Variants in ADGRL2 observed in about 807,000 individuals in gnomAD.
The protein encoded by ADGRL2 is adhesion G protein-coupled receptor L2.
ADGRL2 carries 44 observed loss-of-function variants against 157.4 expected under a neutral mutation model. The ratio of observed to expected loss-of-function variants is 0.28; its 90% CI spans 0.22 to 0.36. The LOEUF is 0.36. ADGRL2 is among the 10% of genes least tolerant of loss of function. The probability of loss-of-function intolerance (pLI) is 1.00; values close to 1 mark genes in which losing one functional copy is unlikely to be tolerated. For synonymous variants in ADGRL2, 585 were observed against 624.7 expected, an observed-to-expected ratio of 0.94 and a Z score of 0.95; for missense variants, 1,510 against 1,768.9, an observed-to-expected ratio of 0.85 and a Z score of 2.63.
chr1:81,600,201 A>G (rs142302213), intron 3 of ADGRL2, among the ~76,000 whole-genome samples: 418 of 152,354 alleles, frequency 2.7e-3, no homozygotes, highest in African/African-American at 8.9e-3. Context: ...GGACTGTACC[A>G]TTAAAGGCAC....
At position 81,763,835 on chromosome 1, in the gene ADGRL2, C is replaced by T. The variant is rs1219272952; in HGVS notation, c.-101+1983C>T. Among the ~76,000 whole-genome samples the T allele has an allele frequency of 5.9e-5, 9 of 151,764 alleles. No homozygotes were observed. In the East Asian group the frequency reaches 1.2e-3, roughly 20 times the overall value. On this transcript the variant is annotated intron_variant, in intron 2 of 20. Coordinates refer to the ADGRL2 transcript ENST00000359929. ...CAGCCTGGCTAACATGGTGAAACCC[C>T]GTCTCTACTAAATATACAAAATTAG...
In ADGRL2 at chr1:81,706,793, C is replaced by T. The variant is rs113446054; in HGVS notation, c.-143+6985C>T. ...CTGATCAGGCATCAAGGAGGAGACA[C>T]AGACAAGGAAGATGGAATATGAGAA... On this transcript the variant is annotated intron_variant, in intron 1 of 20. Coordinates refer to the ADGRL2 transcript ENST00000359929. 7.7e-3 allele frequency among the ~76,000 whole-genome samples: 1,164 copies of T among 152,150 alleles called. 22 individuals are homozygous for T. Among genetic ancestry groups the T allele is most frequent in the African/African-American group, 0.027 (1,117 of 41,476 alleles).
intron 2 of ADGRL2, among the ~76,000 whole-genome samples, chr1:81,535,934 C>T (rs1046762996): frequency 6.6e-6 from 1 of 152,092 alleles, no homozygotes; most frequent in Admixed American, 6.6e-5. Context: ...AAATGTACTT[C>T]CAGACATAAT....
intron 1 of ADGRL2, among the ~76,000 whole-genome samples, chr1:81,321,497 C>T (rs143380698): frequency 4.6e-5 from 7 of 152,198 alleles, no homozygotes; most frequent in East Asian, 1.9e-4. Context: ...CTTCCTTTCA[C>T]GTAGAGGCCA....
At chr1:81,796,460 A>G (rs922210949), upstream of ADGRL2, among the ~76,000 whole-genome samples, 3 of 152,236 alleles carry the variant, frequency 2.0e-5, no homozygotes, top group African/African-American at 7.2e-5. Context: ...ACCCAACTAT[A>G]TAAAATTCTC....
At chr1:81,965,993 G>C (rs1382520226) in intron 11 of ADGRL2, 65 bp from the exon 12 acceptor site, 2 of 1,503,084 alleles carry the variant, frequency 1.3e-6, no homozygotes, top group African/African-American at 1.4e-5. Flanking sequence ...GTTATCATTT[G>C]CCTCCTTAGT....
chr1:81,387,740 T>C (rs2076463196), intron 1 of ADGRL2, among the ~76,000 whole-genome samples: 1 of 152,164 alleles, frequency 6.6e-6, no homozygotes, highest in Admixed American at 6.6e-5. Context: ...TTCTCTCTAT[T>C]AATTCTGCCT....
chr1:81,931,305 C>T lies in ADGRL2; in HGVS notation c.288-5423C>T, dbSNP rs143062666. Among the ~76,000 whole-genome samples the T allele has an allele frequency of 1.2e-3, 183 of 151,938 alleles. 1 individual carries two copies. Among genetic ancestry groups the T allele is most frequent in the Middle Eastern group, 3.4e-3 (1 of 294 alleles). On this transcript the variant is annotated intron_variant, in intron 3 of 23. Transcript: ENST00000686636. ...AATGTCAGAAATAATACTTTTATTC[C>T]GGTATTTGAACTTAATATTAAAAGG...
chr1:81,603,597 A>T (rs2081375962), intron 3 of ADGRL2, among the ~76,000 whole-genome samples: 1 of 152,240 alleles, frequency 6.6e-6, no homozygotes, highest in East Asian at 1.9e-4. Context: ...TCACAGTGTC[A>T]TCCATTCAAC....
At chr1:81,858,200 G>A (rs1557786302) in intron 2 of ADGRL2, among the ~76,000 whole-genome samples, 1 of 152,146 alleles carries the variant, frequency 6.6e-6, no homozygotes, top group Non-Finnish European at 1.5e-5. Context: ...TAATAGCAGT[G>A]TTGGTTTAGA....
intron 3 of ADGRL2, among the ~76,000 whole-genome samples, chr1:81,922,440 A>T (rs1427173491): frequency 6.6e-6 from 1 of 152,168 alleles, no homozygotes; most frequent in Non-Finnish European, 1.5e-5. Context: ...TATTTAAAAA[A>T]CTATTTTTAA....
chr1:81,969,269 C>T lies in ADGRL2; in HGVS notation c.2615C>T (p.Thr872Ile), dbSNP rs1558021235. ...GTTTGCCTGGCTATCTGCATCTTCA[C>T]CTTCTGCTTTTTCCGTGGCCTACAG... ...SLVCLAICIFTFCFFRGLQSD... is the reference protein window; with the variant it reads ...SLVCLAICIFIFCFFRGLQSD... The change falls in exon 15 of 24, where the codon ACC becomes ATC. Residue 872 changes from threonine to isoleucine, a missense_variant. Thr to Ile is a moderately conservative substitution (Grantham distance 89). This residue lies in a region of ADGRL2 where 497 missense variants were observed against 627.2 expected (regional missense o/e 0.79). Transcript: ENST00000686636. The T allele has an allele frequency of 2.5e-6, 4 of 1,614,044 alleles. No individual in the cohort carries two copies. Among genetic ancestry groups the T allele is most frequent in the Non-Finnish European group, 2.5e-6 (3 of 1,179,928 alleles).
At chr1:81,810,449 TA>T (rs1378989911) in intron 1 of ADGRL2, among the ~76,000 whole-genome samples, 6 of 151,826 alleles carry the variant, frequency 4.0e-5, no homozygotes, top group Non-Finnish European at 7.4e-5. Context: ...TTCTCTGCAT[TA>T]AAAGCCTACC....
chr1:81,370,691 A>G (rs2076147228), intron 1 of ADGRL2, among the ~76,000 whole-genome samples: 1 of 152,164 alleles, frequency 6.6e-6, no homozygotes, highest in African/African-American at 2.4e-5. Flanking sequence ...AGGACAGAGT[A>G]CTTCAGAAAT....
At chr1:81,527,636 C>T (rs777090498) in intron 2 of ADGRL2, among the ~76,000 whole-genome samples, 5 of 151,868 alleles carry the variant, frequency 3.3e-5, no homozygotes, top group South Asian at 2.1e-4. Context: ...CACTTGAACC[C>T]GGGAGGCGGA....
intron 3 of ADGRL2, among the ~76,000 whole-genome samples, chr1:81,655,098 G>T (rs1313371032): frequency 6.6e-6 from 1 of 152,134 alleles, no homozygotes; most frequent in South Asian, 2.1e-4. Context: ...GGGCAAGAGG[G>T]GCTGGCTCTC....
Position 81,991,731 on chromosome 1 carries a change from A to G in ADGRL2, c.*586A>G, listed in dbSNP as rs1308565803. 1 of 152,662 alleles carries G rather than the reference A, an allele frequency of 6.6e-6. No individual in the cohort carries two copies. The highest frequency in any genetic ancestry group is 1.5e-5 in the Non-Finnish European group (1 of 68,052). 9.5% of individuals were successfully genotyped at this position (152,662 alleles called of 1,614,324 possible). ...TTTCATATGTTTCCTCAACTGTACA[A>G]TGAACTATTCTCATGAAAAATGGCT... On this transcript the variant is annotated 3_prime_UTR_variant, in exon 24 of 24. Transcript: ENST00000686636.
chr1:81,569,587 C>A (rs1292979499), intron 2 of ADGRL2, among the ~76,000 whole-genome samples: 1 of 152,092 alleles, frequency 6.6e-6, no homozygotes, highest in Non-Finnish European at 1.5e-5. Context: ...GCAAGAGGAC[C>A]ACTTGAGGCC....
At chr1:81,655,189 A>G (rs1451543504) in intron 3 of ADGRL2, among the ~76,000 whole-genome samples, 1 of 152,116 alleles carries the variant, frequency 6.6e-6, no homozygotes, top group African/African-American at 2.4e-5. Flanking sequence ...TTTAGTAGAG[A>G]CGGGTTTTCA....
Sources: allele counts gnomAD v4.1 joint callset (sites outside exome capture counted in the v4.1 genomes callset), GRCh38; gene constraint gnomAD v4.1.1; regional missense constraint gnomAD v4.1.1; transcripts MANE v1.5; gene names NCBI Gene and HGNC (gene_info 2026-07-23, HGNC 2026-07-21).